Variants in ATP2B2 observed in about 807,000 individuals in gnomAD.
The protein encoded by ATP2B2 is ATPase plasma membrane Ca2+ transporting 2, also known as plasma membrane calcium-transporting ATPase 2.
In ATP2B2, 15 loss-of-function variants were observed where a neutral mutation model predicts 120.0. That is an observed-to-expected ratio of 0.12 (90% CI 0.08 to 0.19). ATP2B2 has a LOEUF of 0.19. ATP2B2 is among the 10% of genes least tolerant of loss of function. ATP2B2 has a pLI of 1.00. For synonymous variants in ATP2B2, 694 were observed against 700.3 expected, an observed-to-expected ratio of 0.99 and a Z score of 0.14; for missense variants, 1,045 against 1,719.8, an observed-to-expected ratio of 0.61 and a Z score of 6.94.
At chr3:10,442,569 T>G (rs1295970653) in intron 2 of ATP2B2, among the ~76,000 whole-genome samples, 1 of 152,226 alleles carries the variant, frequency 6.6e-6, no homozygotes, top group African/African-American at 2.4e-5. Flanking sequence ...TCATTGGAAC[T>G]TCACATTAAA....
intron 2 of ATP2B2, among the ~76,000 whole-genome samples, chr3:10,607,509 T>C (rs930857676): frequency 1.3e-5 from 2 of 152,238 alleles, no homozygotes; most frequent in African/African-American, 4.8e-5. Context: ...CAGGTATCCC[T>C]GACCCCTGCA....
At chr3:10,575,533 T>C (rs2068224703) in intron 2 of ATP2B2, among the ~76,000 whole-genome samples, 1 of 152,196 alleles carries the variant, frequency 6.6e-6, no homozygotes, top group South Asian at 2.1e-4. Context: ...GATGTGAATA[T>C]ATTTAATGCT....
At chr3:10,378,216 G>A (rs1429791176) in intron 10 of ATP2B2, 36 bp downstream of exon 10, 4 of 1,596,304 alleles carry the variant, frequency 2.5e-6, no homozygotes, top group African/African-American at 2.7e-5. Context: ...GTCCCCCTGT[G>A]AGCCCTGTCC....
intron 1 of ATP2B2, among the ~76,000 whole-genome samples, chr3:10,465,312 G>GA (rs2064689034): frequency 6.6e-6 from 1 of 152,236 alleles, no homozygotes; most frequent in Non-Finnish European, 1.5e-5. Context: ...ATCAGCAATG[G>GA]CCCTGCCAAG....
At chr3:10,631,467 GT>G (rs2069863394) in intron 1 of ATP2B2, among the ~76,000 whole-genome samples, 1 of 152,218 alleles carries the variant, frequency 6.6e-6, no homozygotes, top group African/African-American at 2.4e-5. Context: ...CAGTTGGCAA[GT>G]GGCAGAGCAA....
intron 2 of ATP2B2, among the ~76,000 whole-genome samples, chr3:10,572,733 G>T (rs376918175): frequency 6.6e-6 from 1 of 152,178 alleles, no homozygotes. Flanking sequence ...TCATATTAAT[G>T]GGTTGAAGGG....
chr3:10,703,248 T>C (rs1294327046), intron 1 of ATP2B2, among the ~76,000 whole-genome samples: 3 of 152,166 alleles, frequency 2.0e-5, no homozygotes, highest in Non-Finnish European at 4.4e-5. Flanking sequence ...ACAATCAGCG[T>C]CTCTGCCCTT....
intron 2 of ATP2B2, among the ~76,000 whole-genome samples, chr3:10,422,556 A>T (rs1315535443): frequency 6.6e-6 from 1 of 152,110 alleles, no homozygotes; most frequent in East Asian, 1.9e-4. Context: ...GGCAGCATTT[A>T]CCTGATCCTC....
intron 1 of ATP2B2, among the ~76,000 whole-genome samples, chr3:10,479,250 A>G (rs2065314196): frequency 6.6e-6 from 1 of 151,980 alleles, no homozygotes; most frequent in Non-Finnish European, 1.5e-5. Context: ...ACACTCCCAC[A>G]TGTGATCTTC....
intron 3 of ATP2B2, among the ~76,000 whole-genome samples, chr3:10,533,073 C>T (rs945473520): frequency 1.3e-5 from 2 of 152,182 alleles, no homozygotes; most frequent in African/African-American, 2.4e-5. Flanking sequence ...GCTCTGATCT[C>T]TTACATGTTG....
At chr3:10,495,559 A>G (rs1302484274) in intron 1 of ATP2B2, among the ~76,000 whole-genome samples, 2 of 152,194 alleles carry the variant, frequency 1.3e-5, no homozygotes, top group Non-Finnish European at 2.9e-5. Context: ...GGCTGTAGTG[A>G]AGCCCACTGT....
chr3:10,360,952 T>C (rs1487260057), intron 12 of ATP2B2, among the ~76,000 whole-genome samples: 1 of 152,144 alleles, frequency 6.6e-6, no homozygotes, highest in Non-Finnish European at 1.5e-5. Flanking sequence ...CAACCACTAA[T>C]CTGTTCCCCG....
intron 2 of ATP2B2, among the ~76,000 whole-genome samples, chr3:10,534,963 G>A (rs558795252): frequency 7.1e-6 from 1 of 140,372 alleles, no homozygotes; most frequent in Admixed American, 7.4e-5. Context: ...GAGTGCAATG[G>A]CATGATCTCA....
At chr3:10,622,366 T>C (rs2069575876) in intron 1 of ATP2B2, among the ~76,000 whole-genome samples, 1 of 152,192 alleles carries the variant, frequency 6.6e-6, no homozygotes, top group South Asian at 2.1e-4. Flanking sequence ...AGGAGGATGG[T>C]TCTTGGATGT....
intron 5 of ATP2B2, among the ~76,000 whole-genome samples, chr3:10,390,727 C>G (rs1341245885): frequency 6.6e-6 from 1 of 152,130 alleles, no homozygotes; most frequent in Non-Finnish European, 1.5e-5. Flanking sequence ...TTGGCCATTC[C>G]CAGGACAGAA....
rs1424414236 is a variant in ATP2B2 at position 10,607,267 on chromosome 3, T to C, written c.-415+12650A>G. Among the ~76,000 whole-genome samples, 12 of 152,214 alleles carry C rather than the reference T, an allele frequency of 7.9e-5. No homozygotes were observed. The South Asian group carries it at 1.5e-3, about 18-fold the overall frequency. ...GCAGTGGAAAGCCCAGAACAGAGCC[T>C]GAAACAGTGGAGGAAGCTGCAAAGG... is the stretch of plus-strand genomic sequence containing the variant. On this transcript the variant is annotated intron_variant, in intron 2 of 21. Transcript: ENST00000646379.
intron 2 of ATP2B2, among the ~76,000 whole-genome samples, chr3:10,569,927 A>G (rs1451781983): frequency 6.6e-6 from 1 of 152,212 alleles, no homozygotes; most frequent in Non-Finnish European, 1.5e-5. Flanking sequence ...AAGTTCCAGG[A>G]GTTGAAAGAC....
At chr3:10,461,734 C>G (rs11921159) in intron 1 of ATP2B2, among the ~76,000 whole-genome samples, 10,293 of 152,176 alleles carry the variant, frequency 0.068, 1,156 homozygotes, top group African/African-American at 0.23. Flanking sequence ...GGCTTCCTTC[C>G]TCTTGTAGCC....
At chr3:10,352,183 C>G (rs1048305586) in intron 14 of ATP2B2, among the ~76,000 whole-genome samples, 2 of 152,262 alleles carry the variant, frequency 1.3e-5, no homozygotes, top group African/African-American at 4.8e-5. Flanking sequence ...CCCCCACCAC[C>G]ATCGTCTCAA....
Sources: allele counts gnomAD v4.1 joint callset (sites outside exome capture counted in the v4.1 genomes callset), GRCh38; gene constraint gnomAD v4.1.1; transcripts MANE v1.5; gene names NCBI Gene and HGNC (gene_info 2026-07-23, HGNC 2026-07-21).